Variants in TRPC5 observed in about 807,000 individuals in gnomAD.
TRPC5 encodes the protein short transient receptor potential channel 5.
TRPC5 carries 9 observed loss-of-function variants against 56.5 expected under a neutral mutation model. The ratio of observed to expected loss-of-function variants is 0.16; its 90% CI spans 0.10 to 0.28. TRPC5 has a LOEUF of 0.28. Ranked by LOEUF, TRPC5 falls within the 10% of genes least tolerant of loss-of-function variation. The pLI is 1.00. For synonymous variants in TRPC5, 282 were observed against 278.5 expected (o/e 1.01, Z -0.13); for missense variants, 469 against 748.9 (o/e 0.63, Z 4.36).
chrX:111,856,763 C>T (rs1474635945), intron 3 of TRPC5, among the ~76,000 whole-genome samples: 2 of 101,835 alleles, frequency 2.0e-5, no homozygotes, highest in African/African-American at 7.3e-5. Flanking sequence ...TTGCAGTGAG[C>T]CGAGATTGCA....
At chrX:111,815,193 G>A (rs1921821924) in intron 7 of TRPC5, among the ~76,000 whole-genome samples, 1 of 111,351 alleles carries the variant, frequency 9.0e-6, no homozygotes, top group African/African-American at 3.3e-5. Flanking sequence ...TTGAAACCGG[G>A]TGAATGTATT....
intron 1 of TRPC5, among the ~76,000 whole-genome samples, chrX:112,018,306 T>C (rs937937168): frequency 2.7e-5 from 3 of 112,605 alleles, no homozygotes; most frequent in Non-Finnish European, 5.6e-5. Context: ...GAATTGATAT[T>C]ATATCTAGGT....
intron 3 of TRPC5, among the ~76,000 whole-genome samples, chrX:111,865,633 TA>T (rs1234969445): frequency 2.7e-5 from 3 of 112,002 alleles, no homozygotes; most frequent in Non-Finnish European, 3.8e-5. Flanking sequence ...GCCAGCTTCT[TA>T]AAAGCTATAA....
At chrX:112,012,384 T>C (rs1282802814) in intron 1 of TRPC5, among the ~76,000 whole-genome samples, 1 of 110,543 alleles carries the variant, frequency 9.0e-6, no homozygotes, top group African/African-American at 3.3e-5. Flanking sequence ...TTTTCTTTTC[T>C]TTTCTTTTTC....
At chrX:111,992,304 C>T (rs965260475) in intron 1 of TRPC5, among the ~76,000 whole-genome samples, 2 of 112,157 alleles carry the variant, frequency 1.8e-5, no homozygotes, top group Non-Finnish European at 3.8e-5. Context: ...ATACATATGT[C>T]AAAACATATC....
At chrX:112,003,500 G>A (rs1928753485) in intron 1 of TRPC5, among the ~76,000 whole-genome samples, 1 of 110,989 alleles carries the variant, frequency 9.0e-6, no homozygotes, top group Admixed American at 9.7e-5. Context: ...GGTGAGGCTA[G>A]AGAGTTTGAC....
intron 2 of TRPC5, among the ~76,000 whole-genome samples, chrX:111,944,562 A>T (rs1340966452): frequency 2.7e-5 from 3 of 110,961 alleles, no homozygotes; most frequent in African/African-American, 9.8e-5. Context: ...TGTGAATGTG[A>T]CCTTATTTGG....
intron 7 of TRPC5, among the ~76,000 whole-genome samples, chrX:111,817,323 A>ATTT (rs148024546): frequency 6.0e-5 from 5 of 82,913 alleles, no homozygotes; most frequent in Admixed American, 1.3e-4. Context: ...CTCTTATCTG[A>ATTT]TTTTTTTTTT....
At chrX:112,019,241 G>A (rs1049877500) in intron 1 of TRPC5, among the ~76,000 whole-genome samples, 1 of 111,792 alleles carries the variant, frequency 8.9e-6, no homozygotes, top group Non-Finnish European at 1.9e-5. Context: ...ATTCTGACAA[G>A]GGCCTCCATC....
At chrX:111,997,159 G>A (rs774124667) in intron 1 of TRPC5, among the ~76,000 whole-genome samples, 88 of 111,547 alleles carry the variant, frequency 7.9e-4, no homozygotes, top group African/African-American at 2.7e-3. Context: ...TCTATGTTTA[G>A]TGCTTCCTTC....
At position 112,010,742 on chromosome X, in the gene TRPC5, T is replaced by A. The variant is rs149395476; in HGVS notation, c.-21-58301A>T. 5.4e-3 allele frequency among the ~76,000 whole-genome samples: 602 copies of A among 112,256 alleles called. 9 individuals are homozygous for A. The highest frequency in any genetic ancestry group is 0.018 in the African/African-American group (545 of 30,929). ...AGTCTTATGTGACCAACGCCATATA[T>A]GTGGTCTATCCTTGACTGAAATTTC... On this transcript the variant is annotated intron_variant, in intron 1 of 10. Coordinates refer to ENST00000262839, the MANE Select transcript of TRPC5 (RefSeq NM_012471.3).
intron 6 of TRPC5, among the ~76,000 whole-genome samples, chrX:111,845,179 A>T (rs1252801996): frequency 8.9e-6 from 1 of 111,803 alleles, no homozygotes; most frequent in Non-Finnish European, 1.9e-5. Flanking sequence ...GAGAGGTTGC[A>T]GTGAGCTGGG....
intron 1 of TRPC5, among the ~76,000 whole-genome samples, chrX:111,993,145 T>C (rs1185875323): frequency 1.0e-5 from 1 of 96,214 alleles, no homozygotes; most frequent in Non-Finnish European, 2.0e-5. Context: ...AGTGAGAAAA[T>C]GCGGTGTTTG....
In TRPC5 at chrX:111,912,768, C is replaced by T. The variant is rs750374636; in HGVS notation, c.423G>A (p.Pro141=). 1.9e-5 allele frequency: 23 copies of T among 1,201,277 alleles called. No homozygotes were observed. In the South Asian group the frequency reaches 2.1e-4, roughly 11 times the overall value. Reference sequence around the variant, plus strand: ...CAGCCAGCATGATGGGAGTGATGTCCGGTGTGAATTCAGAGAACTGCGTGT... The same window carrying T: ...CAGCCAGCATGATGGGAGTGATGTCTGGTGTGAATTCAGAGAACTGCGTGT... The part of the protein sequence containing the change: ...MMDTQFSEFT[P]DITPIMLAAH... Residue 141 remains proline (P), a synonymous_variant, in exon 3 of 11, where the codon CCG becomes CCA. Coordinates refer to ENST00000262839, the MANE Select transcript of TRPC5 (RefSeq NM_012471.3).
intron 7 of TRPC5, among the ~76,000 whole-genome samples, chrX:111,798,661 A>G (rs1367913873): frequency 8.9e-6 from 1 of 111,947 alleles, no homozygotes; most frequent in East Asian, 2.8e-4. Flanking sequence ...AAAAATAAAA[A>G]AAAAAGGAAA....
intron 1 of TRPC5, among the ~76,000 whole-genome samples, chrX:112,015,611 G>A (rs1037175440): frequency 4.5e-5 from 5 of 111,355 alleles, no homozygotes; most frequent in African/African-American, 1.3e-4. Flanking sequence ...CACAATTCGC[G>A]TCATCCGGTG....
chrX:111,824,433 TTATAA>T (rs1922127582), intron 7 of TRPC5, among the ~76,000 whole-genome samples: 1 of 107,038 alleles, frequency 9.3e-6, no homozygotes, highest in South Asian at 3.7e-4. Flanking sequence ...TTAATAGTAG[TTATAA>T]TAGTAATAGA....
At chrX:111,861,151 T>G (rs1021707542) in intron 3 of TRPC5, among the ~76,000 whole-genome samples, 3 of 112,296 alleles carry the variant, frequency 2.7e-5, no homozygotes, top group African/African-American at 9.7e-5. Context: ...TTAATTTTAA[T>G]GAAACCTTAT....
In TRPC5 at chrX:112,045,504, G is replaced by A. The variant is rs138960415; in HGVS notation, c.-22+36375C>T. 2.0e-3 allele frequency among the ~76,000 whole-genome samples: 224 copies of A among 111,982 alleles called. 5 individuals carry two copies. The East Asian group carries it at 0.059, about 30-fold the overall frequency. ...ATTTATGTTGTTTTAAGCAGAATTC[G>A]TTACAGCAGTCACAGAAAACTAATA... is the stretch of plus-strand genomic sequence containing the variant. On this transcript the variant is annotated intron_variant, in intron 1 of 10. Coordinates refer to ENST00000262839, the MANE Select transcript of TRPC5 (RefSeq NM_012471.3).
Sources: gnomAD v4.1 joint callset for allele counts (sites outside exome capture counted in the v4.1 genomes callset) on GRCh38, gnomAD v4.1.1 for gene constraint, MANE v1.5 for transcripts, NCBI Gene and HGNC (gene_info 2026-07-23, HGNC 2026-07-21) for gene names.